RBM6: variants seen among roughly 807,000 people sequenced by gnomAD.
RBM6 encodes RNA binding motif protein 6, also known as RNA-binding protein 6.
Under a neutral mutation model 140.4 loss-of-function variants are expected in RBM6, and 23 were observed. The observed-to-expected ratio is 0.16, with a 90% CI of 0.12 to 0.23. The LOEUF (loss-of-function observed/expected upper bound fraction) is 0.23, where lower values mean the gene tolerates loss of function less well. RBM6 is among the 10% of genes least tolerant of loss of function. The probability of loss-of-function intolerance (pLI) is 1.00; values close to 1 mark genes in which losing one functional copy is unlikely to be tolerated. For missense variants in RBM6, 1,139 were observed against 1,386.7 expected (o/e 0.82, Z 2.84); for synonymous variants, 439 against 475.6 (o/e 0.92, Z 1.00).
intron 2 of RBM6, among the ~76,000 whole-genome samples, chr3:49,965,751 G>T (rs1287636205): frequency 1.3e-5 from 2 of 152,086 alleles, no homozygotes; most frequent in Non-Finnish European, 2.9e-5. Flanking sequence ...ATGGGGGTCA[G>T]TGGAAGTCAT....
chr3:50,049,291 T>C (rs1017971378), intron 7 of RBM6, among the ~76,000 whole-genome samples: 9 of 151,794 alleles, frequency 5.9e-5, no homozygotes, highest in Non-Finnish European at 8.8e-5. Context: ...TTGTAGTTTT[T>C]AGTAGAGATG....
intron 1 of RBM6, among the ~76,000 whole-genome samples, chr3:49,962,024 C>T (rs773973791): frequency 3.3e-5 from 5 of 151,694 alleles, no homozygotes; most frequent in Non-Finnish European, 5.9e-5. Flanking sequence ...GGGCGGCCGG[C>T]GTGCGCCTGT....
chr3:49,974,528 C>T (rs1431717316), intron 4 of RBM6, among the ~76,000 whole-genome samples: 4 of 151,630 alleles, frequency 2.6e-5, no homozygotes, highest in South Asian at 2.1e-4. Context: ...CCCGCCACCA[C>T]GCCTGGCTAA....
chr3:50,002,132 G>A (rs1220017857), intron 6 of RBM6, among the ~76,000 whole-genome samples: 1 of 152,126 alleles, frequency 6.6e-6, no homozygotes, highest in East Asian at 1.9e-4. Context: ...AGTCCAGCCA[G>A]GCTGGAGTGC....
Position 50,066,483 on chromosome 3 carries a change from A to T in RBM6, c.2924A>T (p.Gln975Leu). The T allele has an allele frequency of 6.2e-7, 1 of 1,613,582 alleles. No homozygotes were observed. Among genetic ancestry groups the T allele is most frequent in the Admixed American group, 1.7e-5 (1 of 60,022 alleles). Reference sequence around the variant, plus strand: ...AAAGAAGTTCTGATCAAACACCAGCAGCTGTCAGACCTGCACAAGGTATTA... The same window carrying T: ...AAAGAAGTTCTGATCAAACACCAGCTGCTGTCAGACCTGCACAAGGTATTA... ...PNKEVLIKHQ[Q>L]LSDLHKQNLE... Residue 975 changes from glutamine (Q) to leucine (L), a missense_variant, in exon 17 of 21, where the codon CAG becomes CTG. Gln to Leu is a moderately radical substitution (Grantham distance 113). This residue lies in a region of RBM6 where 40 missense variants were observed against 80.1 expected (regional missense o/e 0.50). Transcript: ENST00000266022.
intron 6 of RBM6, among the ~76,000 whole-genome samples, chr3:50,037,663 A>T (rs1017331251): frequency 2.0e-4 from 30 of 151,996 alleles, no homozygotes; most frequent in Non-Finnish European, 3.8e-4. Flanking sequence ...CCATTAAAAA[A>T]TTTTGTTTTA....
At chr3:49,949,351 A>G (rs1262736657) in intron 1 of RBM6, among the ~76,000 whole-genome samples, 1 of 151,820 alleles carries the variant, frequency 6.6e-6, no homozygotes, top group Non-Finnish European at 1.5e-5. Flanking sequence ...ACGGAAGTAC[A>G]TTCTCCCAGA....
At chr3:50,058,776 C>T (rs1326203014) in intron 10 of RBM6, 2 of 343,978 alleles carry the variant, frequency 5.8e-6, no homozygotes, top group East Asian at 5.3e-5. Flanking sequence ...ATTAGCTGGG[C>T]GTGGTGGCAG....
intron 6 of RBM6, among the ~76,000 whole-genome samples, chr3:50,034,761 CA>C (rs1038216441): frequency 6.7e-6 from 1 of 148,412 alleles, no homozygotes; most frequent in African/African-American, 2.5e-5. Flanking sequence ...ACTCCGTCTC[CA>C]AAAAAAAAGG....
rs752734148 is a variant in RBM6 at position 50,062,019 on chromosome 3, A to G, written c.2497A>G (p.Lys833Glu). 6.2e-7 allele frequency: 1 copy of G among 1,613,982 alleles called. No homozygotes were observed. Among genetic ancestry groups the G allele is most frequent in the African/African-American group, 1.3e-5 (1 of 74,932 alleles). ...GLPEEEEIKE[K>E]KPTSQGKSSS... ...ACCTGAGGAAGAAGAGATCAAGGAAAAAAAACCCACCAGTCAAGGAAAGTC... is the reference window on the plus strand; with the variant it reads ...ACCTGAGGAAGAAGAGATCAAGGAAGAAAAACCCACCAGTCAAGGAAAGTC... The change falls in exon 15 of 21, where the codon AAA becomes GAA. Residue 833 changes from lysine to glutamate, a missense_variant. Lys to Glu is a moderately conservative substitution (Grantham distance 56). Around this residue, in one of 9 missense-constraint regions of RBM6, gnomAD observed 163 missense variants for 182.8 expected, o/e 0.89. Transcript: ENST00000266022.
intron 6 of RBM6, among the ~76,000 whole-genome samples, chr3:50,045,537 G>T (rs1171406328): frequency 6.6e-6 from 1 of 152,154 alleles, no homozygotes; most frequent in Non-Finnish European, 1.5e-5. Flanking sequence ...GTGAGATCTG[G>T]ACCAGTAATT....
At chr3:49,992,196 C>T (rs1391689590) in intron 5 of RBM6, among the ~76,000 whole-genome samples, 1 of 152,146 alleles carries the variant, frequency 6.6e-6, no homozygotes, top group African/African-American at 2.4e-5. Context: ...AAGCGATCCT[C>T]TTGCCTCAGC....
At chr3:50,008,111 C>T (rs1395875947) in intron 6 of RBM6, among the ~76,000 whole-genome samples, 1 of 152,118 alleles carries the variant, frequency 6.6e-6, no homozygotes, top group Non-Finnish European at 1.5e-5. Flanking sequence ...GCAAAACACC[C>T]TAAGCTCTGA....
At chr3:50,038,279 A>G (rs1575771379) in intron 6 of RBM6, among the ~76,000 whole-genome samples, 1 of 151,974 alleles carries the variant, frequency 6.6e-6, no homozygotes, top group Non-Finnish European at 1.5e-5. Context: ...GCTGTTCTCT[A>G]CCACCTCCTG....
At chr3:50,009,882 T>G (rs1322915698) in intron 6 of RBM6, among the ~76,000 whole-genome samples, 1 of 152,038 alleles carries the variant, frequency 6.6e-6, no homozygotes, top group East Asian at 1.9e-4. Flanking sequence ...ATTATTTATT[T>G]TTATTTTTAT....
intron 3 of RBM6, among the ~76,000 whole-genome samples, chr3:49,971,683 G>A (rs760334432): frequency 8.5e-5 from 13 of 152,058 alleles, no homozygotes; most frequent in Middle Eastern, 3.4e-3. Context: ...GACCACAGGC[G>A]TGCACAGCAC....
intron 5 of RBM6, among the ~76,000 whole-genome samples, chr3:49,978,068 A>G (rs556333081): frequency 1.8e-4 from 27 of 152,336 alleles, no homozygotes; most frequent in Non-Finnish European, 2.2e-4. Context: ...TGGTACGATC[A>G]TAGCTTACTG....
intron 6 of RBM6, among the ~76,000 whole-genome samples, chr3:50,043,520 TTTTATA>T (rs1168813340): frequency 6.6e-6 from 1 of 151,622 alleles, no homozygotes; most frequent in African/African-American, 2.4e-5. Flanking sequence ...TCTCTCTTCT[TTTTATA>T]TACATATACA....
At chr3:50,042,972 G>A (rs893511559) in intron 6 of RBM6, among the ~76,000 whole-genome samples, 2 of 152,134 alleles carry the variant, frequency 1.3e-5, no homozygotes, top group Non-Finnish European at 2.9e-5. Flanking sequence ...TCTCTAGGTG[G>A]AGAATAAGGA....
Sources: gnomAD v4.1 joint callset for allele counts (sites outside exome capture counted in the v4.1 genomes callset) on GRCh38, gnomAD v4.1.1 for gene constraint, gnomAD v4.1.1 regional missense constraint, MANE v1.5 for transcripts, NCBI Gene and HGNC (gene_info 2026-07-23, HGNC 2026-07-21) for gene names.